Variants in ZFHX3 observed in about 807,000 individuals in gnomAD.
ZFHX3 encodes zinc finger homeobox protein 3.
A neutral mutation model predicts 279.1 loss-of-function variants in ZFHX3; 42 were observed. The ratio of observed to expected loss-of-function variants is 0.15; its 90% CI spans 0.12 to 0.19. ZFHX3 has a LOEUF of 0.19. ZFHX3 is among the 10% of genes least tolerant of loss of function. The probability of loss-of-function intolerance (pLI) is 1.00; values close to 1 mark genes in which losing one functional copy is unlikely to be tolerated. For synonymous variants in ZFHX3, 2,293 were observed against 1,957.8 expected (o/e 1.17, Z -4.52); for missense variants, 4,981 against 4,754.0 (o/e 1.05, Z -1.40).
intron 1 of ZFHX3, among the ~76,000 whole-genome samples, chr16:73,725,592 T>C (rs1026178336): frequency 4.6e-5 from 7 of 151,268 alleles, no homozygotes; most frequent in Non-Finnish European, 7.4e-5. Flanking sequence ...AATCAGGGAA[T>C]AGGGTGGATG....
chr16:73,721,769 G>T (rs1317273347), intron 1 of ZFHX3, among the ~76,000 whole-genome samples: 2 of 152,184 alleles, frequency 1.3e-5, no homozygotes, highest in Non-Finnish European at 2.9e-5. Flanking sequence ...AGTGGGCCAG[G>T]CACAATGGCT....
At chr16:73,422,424 G>T (rs2017735223) in intron 3 of ZFHX3, among the ~76,000 whole-genome samples, 1 of 152,136 alleles carries the variant, frequency 6.6e-6, no homozygotes, top group East Asian at 1.9e-4. Flanking sequence ...GAAGTCAGGG[G>T]CCACCCTGTC....
chr16:73,393,537 C>T (rs9930953), intron 3 of ZFHX3, among the ~76,000 whole-genome samples: 94,940 of 152,058 alleles, frequency 0.62, 30,076 homozygotes, highest in Non-Finnish European at 0.68. Flanking sequence ...AAGGTATTTG[C>T]GCTGTTCACA....
intron 1 of ZFHX3, among the ~76,000 whole-genome samples, chr16:73,711,084 G>T (rs1191943216): frequency 6.6e-6 from 1 of 152,166 alleles, no homozygotes; most frequent in Non-Finnish European, 1.5e-5. Context: ...CCAAATCAAA[G>T]AAGACGAAAG....
At chr16:73,644,909 A>G (rs186744655) in intron 2 of ZFHX3, among the ~76,000 whole-genome samples, 40 of 152,316 alleles carry the variant, frequency 2.6e-4, no homozygotes, top group African/African-American at 6.5e-4. Context: ...TGTTCTTCAT[A>G]GAAGCCACAG....
chr16:73,656,742 C>T (rs553291185), intron 2 of ZFHX3, among the ~76,000 whole-genome samples: 1 of 152,224 alleles, frequency 6.6e-6, no homozygotes, highest in South Asian at 2.1e-4. Flanking sequence ...CAATTATATT[C>T]AAATTTAAAC....
chr16:73,687,257 T>G (rs1597066500), intron 1 of ZFHX3, among the ~76,000 whole-genome samples: 1 of 149,208 alleles, frequency 6.7e-6, no homozygotes. Flanking sequence ...CTGTGAATGG[T>G]GGCACACACC....
intron 3 of ZFHX3, among the ~76,000 whole-genome samples, chr16:72,917,671 A>C (rs2039475362): frequency 6.6e-6 from 1 of 152,238 alleles, no homozygotes; most frequent in Non-Finnish European, 1.5e-5. Context: ...AATTCTACGA[A>C]ATAATAATAT....
At chr16:72,907,681 C>CT (rs71156129) in intron 3 of ZFHX3, among the ~76,000 whole-genome samples, 1,331 of 131,874 alleles carry the variant, frequency 0.01, 19 homozygotes, top group Middle Eastern at 0.023. Context: ...CTCCAAATTC[C>CT]TTTTTTTTTT....
intron 3 of ZFHX3, among the ~76,000 whole-genome samples, chr16:73,365,364 T>C (rs1226303441): frequency 1.3e-5 from 2 of 152,218 alleles, no homozygotes; most frequent in Admixed American, 6.5e-5. Flanking sequence ...ATTCAACAAA[T>C]ATTTATTGAG....
At chr16:73,376,441 G>C (rs2143354127) in intron 3 of ZFHX3, among the ~76,000 whole-genome samples, 1 of 152,210 alleles carries the variant, frequency 6.6e-6, no homozygotes, top group Non-Finnish European at 1.5e-5. Flanking sequence ...ATGTCAGCAA[G>C]GCTTCTACCA....
intron 1 of ZFHX3, among the ~76,000 whole-genome samples, chr16:73,877,974 T>C (rs886205017): frequency 6.6e-6 from 1 of 152,008 alleles, no homozygotes; most frequent in Non-Finnish European, 1.5e-5. Context: ...CAGAGAAAGC[T>C]TCATCATGAG....
intron 3 of ZFHX3, among the ~76,000 whole-genome samples, chr16:72,910,629 C>T (rs1426549812): frequency 6.6e-6 from 1 of 152,114 alleles, no homozygotes; most frequent in Non-Finnish European, 1.5e-5. Context: ...GTTTAATGGA[C>T]ACAGGAGAGA....
At chr16:73,055,385 AG>A (rs1215997647) in intron 1 of ZFHX3, among the ~76,000 whole-genome samples, 1 of 151,966 alleles carries the variant, frequency 6.6e-6, no homozygotes, top group African/African-American at 2.4e-5. Flanking sequence ...TGAAAGGGGG[AG>A]GCACAATTTG....
intron 3 of ZFHX3, among the ~76,000 whole-genome samples, chr16:73,399,250 T>C (rs1345088525): frequency 1.3e-5 from 2 of 152,190 alleles, no homozygotes; most frequent in Middle Eastern, 3.4e-3. Context: ...TGGATTTTTG[T>C]GGAATTAATT....
intron 7 of ZFHX3, chr16:73,123,758 T>C (rs965201563): frequency 1.3e-5 from 2 of 152,148 alleles, no homozygotes; most frequent in African/African-American, 4.8e-5. Flanking sequence ...GTAGAGTCTT[T>C]GGGAAGTGAT....
At chr16:73,473,365 A>AAAAAAAAAAAAAAAAAAC (rs2018708335) in intron 2 of ZFHX3, among the ~76,000 whole-genome samples, 10 of 130,176 alleles carry the variant, frequency 7.7e-5, no homozygotes, top group African/African-American at 2.8e-4. Context: ...AAACAAAAAA[A>AAAAAAAAAAAAAAAAAAC]AAAAAAACAA....
chr16:72,825,043 C>T (rs191930412), intron 5 of ZFHX3, among the ~76,000 whole-genome samples: 13 of 152,358 alleles, frequency 8.5e-5, no homozygotes, highest in African/African-American at 3.1e-4. Flanking sequence ...CATGTGCTAC[C>T]ACTCACCCTC....
chr16:72,966,928 A>G (rs1435102751), intron 1 of ZFHX3, among the ~76,000 whole-genome samples: 1 of 152,140 alleles, frequency 6.6e-6, no homozygotes, highest in South Asian at 2.1e-4. Context: ...AAGAATGGAG[A>G]AGGGGATTGT....
Sources: allele counts gnomAD v4.1 joint callset (sites outside exome capture counted in the v4.1 genomes callset), GRCh38; gene constraint gnomAD v4.1.1; transcripts MANE v1.5; gene names NCBI Gene and HGNC (gene_info 2026-07-23, HGNC 2026-07-21).